ZNF394: variants seen among roughly 807,000 people sequenced by gnomAD.
ZNF394 encodes the protein zinc finger protein 394, also known as zinc finger protein 99.
ZNF394 carries 19 observed loss-of-function variants against 21.8 expected under a neutral mutation model. That is an observed-to-expected ratio of 0.87 (90% CI 0.61 to 1.28). The LOEUF is 1.28. Ranked by LOEUF, ZNF394 falls within the 50% of genes most tolerant of loss-of-function variation. ZNF394 has a pLI of 0.00. For missense variants in ZNF394, 683 were observed against 708.6 expected (o/e 0.96, Z 0.41); for synonymous variants, 294 against 273.3 (o/e 1.08, Z -0.75).
At chr7:99,498,991 T>G in intron 1 of ZNF394, 149 bp from the exon 2 acceptor site, 1 of 1,166,458 alleles carries the variant, frequency 8.6e-7, no homozygotes, top group South Asian at 1.9e-5. Context: ...TTCTGTGGAC[T>G]ATTTACACTA....
chr7:99,497,893 G>A (rs1398235265), intron 2 of ZNF394: 1 of 152,034 alleles, frequency 6.6e-6, no homozygotes, highest in Non-Finnish European at 1.5e-5. Flanking sequence ...GATAAAAAAC[G>A]AAAAACAAAT....
rs1192774999 is a variant in ZNF394, at chr7:99,494,006, C to T, written c.1209G>A (p.Lys403=). The change falls in exon 3 of 3, where the codon AAG becomes AAA. Residue 403 remains lysine (K), a synonymous_variant. Coordinates refer to ENST00000337673, the MANE Select transcript of ZNF394 (RefSeq NM_032164.4). The part of the protein sequence containing the change: ...KSFSQSAALT[K]HQRTHTGEKP... ...TCTCGCCTGTGTGTGTCCTCTGGTG[C>T]TTGGTCAGGGCAGCACTCTGGCTGA... 4.3e-6 allele frequency: 7 copies of T among 1,614,006 alleles called. No homozygotes were observed. Among genetic ancestry groups the T allele is most frequent in the South Asian group, 2.2e-5 (2 of 91,084 alleles).
Position 99,493,564 on chromosome 7 carries a change from CT to C in ZNF394, c.1650del (p.Val551CysfsTer25). 3 of 1,613,106 alleles carry C rather than the reference CT, an allele frequency of 1.9e-6. No homozygotes were observed. Among genetic ancestry groups the C allele is most frequent in the Middle Eastern group, 1.7e-4 (1 of 6,052 alleles). On this transcript the variant is annotated frameshift_variant, in exon 3 of 3. Coordinates refer to ENST00000337673, the MANE Select transcript of ZNF394 (RefSeq NM_032164.4). LOFTEE classifies it high-confidence loss of function. ...LIRHQRIHQNKVLSAGRGGSR... is the reference protein window; with the variant it reads ...LIRHQRIHQNXVLSAGRGGSR... ...GAGCCACCACGCCCAGCCGACAGCACTTTATTTTGATGAATTCTTTGGTGTC... is the reference window on the plus strand; with the variant it reads ...GAGCCACCACGCCCAGCCGACAGCACTTATTTTGATGAATTCTTTGGTGTC...
At chr7:99,488,715 G>C (rs1257934331), downstream of ZNF394, among the ~76,000 whole-genome samples, 3 of 151,416 alleles carry the variant, frequency 2.0e-5, no homozygotes, top group African/African-American at 7.3e-5. Flanking sequence ...GGGTCACAAG[G>C]TCAGGAGTTC....
chr7:99,488,844 C>G (rs1256421577), downstream of ZNF394, among the ~76,000 whole-genome samples: 1 of 150,872 alleles, frequency 6.6e-6, no homozygotes, highest in Non-Finnish European at 1.5e-5. Flanking sequence ...AGGAGAATCA[C>G]CTACCTCAAC....
intron 2 of ZNF394, among the ~76,000 whole-genome samples, chr7:99,496,800 G>A (rs756818470): frequency 3.3e-5 from 5 of 151,092 alleles, no homozygotes; most frequent in African/African-American, 2.4e-5. Context: ...TTGAGCTCCT[G>A]ACCTCAAACA....
exon 2 of ZNF394, chr7:99,486,825 A>T: frequency 1.2e-6 from 2 of 1,614,214 alleles, no homozygotes; most frequent in South Asian, 2.2e-5. Context: ...AATGCAGTGA[A>T]TGTGGAAAAG....
chr7:99,497,120 G>A (rs866629325), intron 2 of ZNF394, among the ~76,000 whole-genome samples: 1,300 of 90,488 alleles, frequency 0.014, 34 homozygotes, highest in African/African-American at 0.051. Flanking sequence ...GTGTGTGTGT[G>A]TGTATATATA....
At chr7:99,487,502 G>A (rs774902518) in intron 1 of ZNF394, 41 of 1,598,012 alleles carry the variant, frequency 2.6e-5, no homozygotes, top group Non-Finnish European at 3.5e-5. Flanking sequence ...TAATTGGAAA[G>A]CAGTCATTGG....
At chr7:99,490,941 C>T (rs1036465768), downstream of ZNF394, among the ~76,000 whole-genome samples, 13 of 152,252 alleles carry the variant, frequency 8.5e-5, no homozygotes, top group East Asian at 2.5e-3. Flanking sequence ...AAGCCACTAT[C>T]ACCCAGAAGC....
intron 2 of ZNF394, among the ~76,000 whole-genome samples, chr7:99,497,062 G>GTA (rs1284638502): frequency 7.1e-6 from 1 of 140,724 alleles, no homozygotes; most frequent in Non-Finnish European, 1.5e-5. Context: ...ATATATATGT[G>GTA]TATATATATG....
intron 2 of ZNF394, among the ~76,000 whole-genome samples, chr7:99,497,116 GTGTGTGTATATATATATATATATA>G (rs1800346135): frequency 9.0e-6 from 1 of 111,494 alleles, no homozygotes; most frequent in African/African-American, 4.7e-5. Flanking sequence ...GTGTGTGTGT[GTGTGTGTATATATATATATATATA>G]TGTATATATA....
intron 2 of ZNF394, among the ~76,000 whole-genome samples, chr7:99,495,944 C>CA (rs1800293752): frequency 1.3e-5 from 2 of 151,058 alleles, no homozygotes; most frequent in South Asian, 4.2e-4. Context: ...CTTTTTGAGA[C>CA]AGAGTCTCAC....
rs761707165 is a variant in ZNF394 at position 99,494,664 on chromosome 7, C to T, written c.584-33G>A. The T allele has an allele frequency of 7.1e-6, 11 of 1,539,188 alleles. No homozygotes were observed. In the South Asian group the frequency reaches 1.2e-4, roughly 16 times the overall value. Reference sequence around the variant, plus strand: ...GTGAAAATACAAATTCCTGCCAGTGCATCCCTGTGCAACACAGAAATAAGC... The same window carrying T: ...GTGAAAATACAAATTCCTGCCAGTGTATCCCTGTGCAACACAGAAATAAGC... On this transcript the variant is annotated intron_variant, in intron 2 of 2. Transcript: ENST00000337673.
downstream of ZNF394, among the ~76,000 whole-genome samples, chr7:99,491,559 C>T (rs1191485083): frequency 4.0e-5 from 6 of 151,190 alleles, no homozygotes; most frequent in Admixed American, 2.0e-4. Flanking sequence ...GGGCGGACCA[C>T]GAGGTCAGGA....
At chr7:99,490,146 C>T (rs948184448), downstream of ZNF394, among the ~76,000 whole-genome samples, 38 of 89,236 alleles carry the variant, frequency 4.3e-4, no homozygotes, top group African/African-American at 1.6e-3. Context: ...AAAACCTCAT[C>T]TTTTTTTTTT....
chr7:99,495,674 G>A (rs1198559553), intron 2 of ZNF394, among the ~76,000 whole-genome samples: 1 of 151,918 alleles, frequency 6.6e-6, no homozygotes, highest in African/African-American at 2.4e-5. Context: ...AGGCTGGAGT[G>A]CAGTGGAGTG....
At chr7:99,490,308 G>A (rs759504815), downstream of ZNF394, among the ~76,000 whole-genome samples, 3 of 151,818 alleles carry the variant, frequency 2.0e-5, no homozygotes, top group Admixed American at 6.6e-5. Context: ...GTGCCTGTCA[G>A]CATGCCCAGC....
rs796089779 is a variant in ZNF394 at position 99,494,505 on chromosome 7, C to T, written c.710G>A (p.Ser237Asn). Residue 237 changes from serine to asparagine, a missense_variant, in exon 3 of 3, where the codon AGT (serine) becomes AAT (asparagine). By Grantham distance (46) the Ser-to-Asn change is conservative (BLOSUM62 1). Coordinates refer to ENST00000337673, the MANE Select transcript of ZNF394 (RefSeq NM_032164.4). ...GKRPLFSKCG[S>N]THEDRVEKQS... Reference sequence around the variant, plus strand: ...CTTTTCCACCCTGTCCTCATGGGTACTGCCACACTTAGAAAACAGGGGGCG... The same window carrying T: ...CTTTTCCACCCTGTCCTCATGGGTATTGCCACACTTAGAAAACAGGGGGCG... 2 of 1,613,786 alleles carry T rather than the reference C, an allele frequency of 1.2e-6. No homozygotes were observed. The highest frequency in any genetic ancestry group is 1.7e-6 in the Non-Finnish European group (2 of 1,180,054).
Sources: gnomAD v4.1 joint callset for allele counts (sites outside exome capture counted in the v4.1 genomes callset) on GRCh38, gnomAD v4.1.1 for gene constraint, MANE v1.5 for transcripts, NCBI Gene and HGNC (gene_info 2026-07-23, HGNC 2026-07-21) for gene names.